ARHGAP18: variants seen among roughly 807,000 people sequenced by gnomAD.
ARHGAP18 encodes rho GTPase-activating protein 18.
In ARHGAP18, 67 loss-of-function variants were observed where a neutral mutation model predicts 86.2. The observed-to-expected ratio is 0.78, with a 90% CI of 0.64 to 0.95. The LOEUF is 0.95. Among genes scored for constraint, ARHGAP18 ranks in the 40% least tolerant of loss-of-function variants. The pLI is 0.00. For missense variants in ARHGAP18, 691 were observed against 780.4 expected (o/e 0.89, Z 1.37); for synonymous variants, 283 against 280.4 (o/e 1.01, Z -0.09).
chr6:129,584,673 G>A (rs968446512), intron 12 of ARHGAP18, among the ~76,000 whole-genome samples: 1 of 152,184 alleles, frequency 6.6e-6, no homozygotes, highest in Admixed American at 6.5e-5. Context: ...GCCCATGGAT[G>A]TGAAAAACAT....
chr6:129,702,283 T>G (rs1408903696), intron 1 of ARHGAP18, among the ~76,000 whole-genome samples: 1 of 152,058 alleles, frequency 6.6e-6, no homozygotes, highest in Non-Finnish European at 1.5e-5. Context: ...AACATGGAAG[T>G]CAAAAGAATG....
chr6:129,699,262 C>A (rs895634779), intron 1 of ARHGAP18, among the ~76,000 whole-genome samples: 1 of 152,140 alleles, frequency 6.6e-6, no homozygotes, highest in African/African-American at 2.4e-5. Context: ...CAAATGTAGA[C>A]AAGTACATAA....
chr6:129,644,167 C>A (rs1044938517), intron 1 of ARHGAP18, among the ~76,000 whole-genome samples: 1 of 152,110 alleles, frequency 6.6e-6, no homozygotes, highest in Non-Finnish European at 1.5e-5. Flanking sequence ...TTCCTTAAGT[C>A]TCCATTGTTC....
intron 1 of ARHGAP18, among the ~76,000 whole-genome samples, chr6:129,655,998 A>C (rs1584093666): frequency 6.6e-6 from 1 of 152,380 alleles, no homozygotes; most frequent in East Asian, 1.9e-4. Flanking sequence ...ACTGGAATGA[A>C]GTCAATGATT....
chr6:129,612,022 GAATT>G (rs1394358267), intron 7 of ARHGAP18, among the ~76,000 whole-genome samples: 1 of 152,144 alleles, frequency 6.6e-6, no homozygotes, highest in African/African-American at 2.4e-5. Flanking sequence ...TTCCAAGAAA[GAATT>G]ATTTATGACA....
At chr6:129,681,547 T>C (rs558424220) in intron 1 of ARHGAP18, among the ~76,000 whole-genome samples, 4 of 152,306 alleles carry the variant, frequency 2.6e-5, no homozygotes, top group Admixed American at 2.6e-4. Flanking sequence ...ATCTTCAGCC[T>C]CTTAAGCAAG....
chr6:129,608,174 C>T, intron 8 of ARHGAP18, 122 bp from the exon 9 acceptor site: 1 of 1,157,280 alleles, frequency 8.6e-7, no homozygotes, highest in East Asian at 2.9e-5. Flanking sequence ...CAAGACAAAT[C>T]AGACTACCAA....
intron 10 of ARHGAP18, among the ~76,000 whole-genome samples, chr6:129,604,064 G>T (rs1235390774): frequency 1.3e-5 from 2 of 152,124 alleles, no homozygotes; most frequent in Non-Finnish European, 2.9e-5. Flanking sequence ...TGCACATATG[G>T]CATTCTTGTT....
At position 129,611,535 on chromosome 6, in the gene ARHGAP18, T is replaced by C. The variant is rs777409816; in HGVS notation, c.1120A>G (p.Lys374Glu). 15 of 1,613,072 alleles carry C rather than the reference T, an allele frequency of 9.3e-6. No homozygotes were observed. Among genetic ancestry groups the C allele is most frequent in the Non-Finnish European group, 1.3e-5 (15 of 1,179,308 alleles). Reference sequence around the variant, plus strand: ...CATTAGTAGAACCCAGAGATTACCTTGATTCTAATGGCAGCTCCAGGGATC... The same window carrying C: ...CATTAGTAGAACCCAGAGATTACCTCGATTCTAATGGCAGCTCCAGGGATC... ...LRIPGAAIRI[K>E]NLCQELEAKF... Residue 374 changes from lysine (K) to glutamate (E), a missense_variant and splice_region_variant, in exon 8 of 15, where the codon AAG becomes GAG. Physicochemically the swap from Lys to Glu is moderately conservative, Grantham distance 56. Transcript: ENST00000368149.
chr6:129,600,310 G>T (rs528142843), intron 11 of ARHGAP18, among the ~76,000 whole-genome samples: 73 of 152,052 alleles, frequency 4.8e-4, no homozygotes, highest in Middle Eastern at 3.4e-3. Context: ...AGTTAATAAG[G>T]GTACAAAATG....
chr6:129,656,486 C>T (rs887128554), intron 1 of ARHGAP18, among the ~76,000 whole-genome samples: 5 of 152,010 alleles, frequency 3.3e-5, no homozygotes, highest in Non-Finnish European at 5.9e-5. Flanking sequence ...ACTAAAAATA[C>T]AAAAGTTAGC....
chr6:129,686,779 T>C (rs1270843463), intron 1 of ARHGAP18, among the ~76,000 whole-genome samples: 1 of 147,048 alleles, frequency 6.8e-6, no homozygotes, highest in Admixed American at 6.9e-5. Context: ...ATTCCCTCCC[T>C]AATAAAACCT....
At chr6:129,653,008 T>TA (rs79153671) in intron 1 of ARHGAP18, among the ~76,000 whole-genome samples, 16 of 151,780 alleles carry the variant, frequency 1.1e-4, no homozygotes, top group East Asian at 1.9e-4. Context: ...ATGGTGAATT[T>TA]AAAAAAAAAT....
At chr6:129,682,236 T>C (rs1398552411) in intron 1 of ARHGAP18, among the ~76,000 whole-genome samples, 2 of 152,190 alleles carry the variant, frequency 1.3e-5, no homozygotes, top group Non-Finnish European at 2.9e-5. Flanking sequence ...TTGGTGTCTG[T>C]TAAGTATGAA....
chr6:129,667,609 T>C (rs1157290106), intron 1 of ARHGAP18, among the ~76,000 whole-genome samples: 1 of 151,492 alleles, frequency 6.6e-6, no homozygotes, highest in East Asian at 1.9e-4. Context: ...AATAAACTCA[T>C]TCAGGAAACA....
In ARHGAP18 at chr6:129,638,494, C is replaced by A. The variant is rs1773380990; in HGVS notation, c.452G>T (p.Arg151Leu). 2.5e-6 allele frequency: 4 copies of A among 1,613,984 alleles called. No homozygotes were observed. The highest frequency in any genetic ancestry group is 1.1e-5 in the South Asian group (1 of 91,076). Reference protein sequence around the residue: ...TRTQAAAVQKRVETVSQTLRK... With the variant: ...TRTQAAAVQKLVETVSQTLRK... Reference sequence around the variant, plus strand: ...CAAGGTCTGGGAGACCGTCTCTACTCGCTTCTGAACTGCTGCTGCCTGGGT... The same window carrying A: ...CAAGGTCTGGGAGACCGTCTCTACTAGCTTCTGAACTGCTGCTGCCTGGGT... Residue 151 changes from arginine (R) to leucine (L), a missense_variant, in exon 3 of 15, where the codon CGA (arginine) becomes CTA (leucine). Transcript: ENST00000368149.
At chr6:129,660,964 A>T (rs1773937616) in intron 1 of ARHGAP18, among the ~76,000 whole-genome samples, 2 of 151,936 alleles carry the variant, frequency 1.3e-5, no homozygotes, top group African/African-American at 4.8e-5. Flanking sequence ...AGTACATTAA[A>T]AACGGAACCA....
chr6:129,672,233 G>A (rs1428379965), intron 1 of ARHGAP18, among the ~76,000 whole-genome samples: 1 of 152,128 alleles, frequency 6.6e-6, no homozygotes, highest in Non-Finnish European at 1.5e-5. Context: ...CTTCTGAATT[G>A]TGTGTGCCAA....
rs4077499 is a variant in ARHGAP18 at position 129,601,098 on chromosome 6, G to A, written c.1366-250C>T. Among the ~76,000 whole-genome samples the A allele has an allele frequency of 5.1e-3, 771 of 152,252 alleles. 8 individuals are homozygous for A. The highest frequency in any genetic ancestry group is 0.018 in the African/African-American group (731 of 41,544). On this transcript the variant is annotated intron_variant, in intron 10 of 14. Coordinates refer to ENST00000368149, the MANE Select transcript of ARHGAP18 (RefSeq NM_033515.3). ...AGAGATGGCACATAGCTGAACTAGG[G>A]AGCAGAGAGAGGAGTGGGGAAGTGT...
Sources: allele counts gnomAD v4.1 joint callset (sites outside exome capture counted in the v4.1 genomes callset), GRCh38; gene constraint gnomAD v4.1.1; transcripts MANE v1.5; gene names NCBI Gene and HGNC (gene_info 2026-07-23, HGNC 2026-07-21).